The following SH2B3 variants were observed in gnomAD, a reference collection of about 807,000 sequenced individuals.
SH2B3 encodes the protein SH2B adaptor protein 3, also known as SH2B adapter protein 3.
In SH2B3, 43 loss-of-function variants were observed where a neutral mutation model predicts 51.9. That is an observed-to-expected ratio of 0.83 (90% CI 0.65 to 1.07). The LOEUF (loss-of-function observed/expected upper bound fraction) is 1.07. SH2B3 is among the 50% of genes least tolerant of loss of function. The pLI is 0.00. For missense variants in SH2B3, 952 were observed against 834.3 expected (o/e 1.14, Z -1.74); for synonymous variants, 396 against 376.0 (o/e 1.05, Z -0.62).
intron 2 of SH2B3, among the ~76,000 whole-genome samples, chr12:111,436,753 C>T (rs1465576784): frequency 1.3e-5 from 2 of 152,088 alleles, no homozygotes; most frequent in South Asian, 2.1e-4. Context: ...TGCTGTCTCT[C>T]TGAGAGGGGG....
At chr12:111,419,987 C>T (rs921052012) in intron 2 of SH2B3, among the ~76,000 whole-genome samples, 1 of 152,144 alleles carries the variant, frequency 6.6e-6, no homozygotes, top group African/African-American at 2.4e-5. Flanking sequence ...TGTACAATGT[C>T]CAGGGACACC....
At position 111,438,245 on chromosome 12, in the gene SH2B3, A is replaced by G. The variant is rs1375843675; in HGVS notation, c.733-8508A>G. ...TGCTGGGGCTGGGGGTGGGCAGATG[A>G]GGATTGGAGCCCTGGCTCAACTTCG... On this transcript the variant is annotated intron_variant, in intron 2 of 7. Coordinates refer to ENST00000341259, the MANE Select transcript of SH2B3 (RefSeq NM_005475.3). This position sits in a 1 kb window ranked among gnomAD's most constrained non-coding sequence, Gnocchi z 4.2. Among the ~76,000 whole-genome samples the G allele has an allele frequency of 6.6e-6, 1 of 151,958 alleles. No homozygotes were observed. Among genetic ancestry groups the G allele is most frequent in the Non-Finnish European group, 1.5e-5 (1 of 67,976 alleles).
chr12:111,425,256 G>GGGGTGT (rs1264372752), intron 2 of SH2B3, among the ~76,000 whole-genome samples: 1 of 152,146 alleles, frequency 6.6e-6, no homozygotes, highest in African/African-American at 2.4e-5. Flanking sequence ...GCCAGGGGTG[G>GGGGTGT]GGGTGTGGGT....
At chr12:111,437,247 G>T (rs1485247409) in intron 2 of SH2B3, among the ~76,000 whole-genome samples, 1 of 152,200 alleles carries the variant, frequency 6.6e-6, no homozygotes, top group Non-Finnish European at 1.5e-5. Flanking sequence ...GCCCTCAGAT[G>T]TCTGGGAAAT....
intron 2 of SH2B3, among the ~76,000 whole-genome samples, chr12:111,426,292 T>C (rs894354155): frequency 2.0e-5 from 3 of 152,156 alleles, no homozygotes; most frequent in Non-Finnish European, 4.4e-5. Context: ...GTTAGAGTTA[T>C]ATTTCTAGGT....
At position 111,418,927 on chromosome 12, in the gene SH2B3, T is replaced by C; in HGVS notation, c.732+50T>C. 1.5e-6 allele frequency: 2 copies of C among 1,358,810 alleles called. No individual in the cohort carries two copies. The highest frequency in any genetic ancestry group is 1.9e-6 in the Non-Finnish European group (2 of 1,062,434). 84.2% of individuals were successfully genotyped at this position (1,358,810 alleles called of 1,614,324 possible). ...TGCGCACTGCACTGCGCCCTTCGCC[T>C]TCACCCTGGGGAGAGCGCGGGCTGG... On this transcript the variant is annotated intron_variant, in intron 2 of 7. Coordinates refer to ENST00000341259, the MANE Select transcript of SH2B3 (RefSeq NM_005475.3). This position sits in a 1 kb window ranked among gnomAD's most constrained non-coding sequence, Gnocchi z 6.7.
rs1364785726 is a variant in SH2B3, at chr12:111,418,813, C to T, written c.668C>T (p.Ala223Val). ...SGARWQRGRL[A>V]LRRAPGPDGP... ...GCACGCTGGCAGCGCGGGAGGCTGG[C>T]GCTGCGCCGGGCCCCGGGCCCCGAT... The change falls in exon 2 of 8, where the codon GCG becomes GTG. Residue 223 changes from alanine to valine, a missense_variant. By Grantham distance (64) the Ala-to-Val change is moderately conservative. Coordinates refer to ENST00000341259, the MANE Select transcript of SH2B3 (RefSeq NM_005475.3). The surrounding 1 kb of genome is among the most constrained non-coding windows in gnomAD (Gnocchi z 6.7). 1.4e-6 allele frequency: 2 copies of T among 1,434,112 alleles called. No homozygotes were observed. The highest frequency in any genetic ancestry group is 2.5e-4 in the Middle Eastern group (1 of 4,012). The allele number at this position is 1,434,112 out of a possible 1,614,324, so 88.8% of individuals were successfully genotyped here.
At position 111,438,989 on chromosome 12, in the gene SH2B3, A is replaced by G. The variant is rs1427862170; in HGVS notation, c.733-7764A>G. 2.0e-5 allele frequency among the ~76,000 whole-genome samples: 3 copies of G among 152,094 alleles called. No homozygotes were observed. On this transcript the variant is annotated intron_variant, in intron 2 of 7. Transcript: ENST00000341259. This position sits in a 1 kb window ranked among gnomAD's most constrained non-coding sequence, Gnocchi z 4.2. ...TTGTTTTTGTTTGTTTGTTTGTTTG[A>G]GACAGTCTTGCTCTGTTGCCCAGGC...
Position 111,409,958 on chromosome 12 carries a change from C to T in SH2B3, c.-28+3681C>T, listed in dbSNP as rs538050683. Among the ~76,000 whole-genome samples the T allele has an allele frequency of 8.9e-4, 136 of 152,356 alleles. No homozygotes were observed. The highest frequency in any genetic ancestry group is 3.4e-3 in the Middle Eastern group (1 of 294). ...GTTAGATAGAAGATTTTTCCTCCCA[C>T]GCCACCCTGTCAGGGGTCGGCCAGC... On this transcript the variant is annotated intron_variant, in intron 1 of 7. Coordinates refer to ENST00000341259, the MANE Select transcript of SH2B3 (RefSeq NM_005475.3). This position sits in a 1 kb window ranked among gnomAD's most constrained non-coding sequence, Gnocchi z 4.0.
chr12:111,446,762 C>A lies in SH2B3; in HGVS notation c.742C>A (p.Pro248Thr). 2 of 1,544,332 alleles carry A rather than the reference C, an allele frequency of 1.3e-6. No individual in the cohort carries two copies. Among genetic ancestry groups the A allele is most frequent in the Admixed American group, 1.9e-5 (1 of 52,008 alleles). ...CAACTTGGTCTCGTAGAGTTCAAGG[C>A]CCAAGCTACAAGCAGCTTGCTCCAG... ...ELFDPPKSSR[P>T]KLQAACSSIQ... The change falls in exon 3 of 8, where the codon CCC (proline) becomes ACC (threonine). Residue 248 changes from proline to threonine, a missense_variant. Physicochemically the swap from Pro to Thr is conservative, Grantham distance 38. Transcript: ENST00000341259.
chr12:111,422,175 G>A (rs556468612), intron 2 of SH2B3, among the ~76,000 whole-genome samples: 8 of 152,266 alleles, frequency 5.3e-5, no homozygotes, highest in African/African-American at 1.9e-4. Context: ...CGTCTCCTGG[G>A]TTCAAGCTGA....
intron 2 of SH2B3, among the ~76,000 whole-genome samples, chr12:111,436,509 C>A (rs1417012488): frequency 6.6e-6 from 1 of 152,120 alleles, no homozygotes; most frequent in African/African-American, 2.4e-5. Context: ...GCTGCAGGGG[C>A]CATGTGTAAC....
intron 2 of SH2B3, among the ~76,000 whole-genome samples, chr12:111,436,880 T>A (rs1820556242): frequency 1.3e-5 from 2 of 151,946 alleles, no homozygotes; most frequent in African/African-American, 4.8e-5. Flanking sequence ...TGTCCCAGCA[T>A]CTCTGGCTAA....
chr12:111,418,491 C>T lies in SH2B3; in HGVS notation c.346C>T (p.Pro116Ser). ...CCCCGGCCCCGCCGCCCCTGGCCTG[C>T]CCAAGGCCCGCAGCTCTGAGGAGCT... The part of the protein sequence containing the change: ...PGPGPAAPGL[P>S]KARSSEELAP... Residue 116 changes from proline to serine, a missense_variant, in exon 2 of 8, where the codon CCC becomes TCC. Transcript: ENST00000341259. This position sits in a 1 kb window ranked among gnomAD's most constrained non-coding sequence, Gnocchi z 6.7. The T allele has an allele frequency of 7.3e-7, 1 of 1,372,986 alleles. No individual in the cohort carries two copies. The allele number at this position is 1,372,986 out of a possible 1,614,324, so 85.1% of individuals were successfully genotyped here.
At chr12:111,419,147 T>TA (rs1233812469) in intron 2 of SH2B3, among the ~76,000 whole-genome samples, 2 of 149,764 alleles carry the variant, frequency 1.3e-5, no homozygotes, top group East Asian at 4.0e-4. Context: ...CCTATCTCTA[T>TA]AAAAAATTAG....
At chr12:111,433,130 T>A (rs752593877) in intron 2 of SH2B3, among the ~76,000 whole-genome samples, 1 of 152,178 alleles carries the variant, frequency 6.6e-6, no homozygotes, top group Non-Finnish European at 1.5e-5. Context: ...GGCAGGTGGA[T>A]CACTTGATGT....
intron 2 of SH2B3, among the ~76,000 whole-genome samples, chr12:111,426,904 C>T (rs11065899): frequency 1.3e-5 from 2 of 152,016 alleles, no homozygotes; most frequent in Non-Finnish European, 1.5e-5. Context: ...GGCCCCTAAC[C>T]CCAAGCCCTT....
At chr12:111,426,307 T>C (rs1947379034) in intron 2 of SH2B3, among the ~76,000 whole-genome samples, 1 of 152,076 alleles carries the variant, frequency 6.6e-6, no homozygotes, top group Non-Finnish European at 1.5e-5. Flanking sequence ...CTAGGTTTTA[T>C]GGCTGGCTTT....
rs375598594 is a variant in SH2B3 at position 111,433,062 on chromosome 12, T to C, written c.733-13691T>C. On this transcript the variant is annotated intron_variant, in intron 2 of 7. Transcript: ENST00000341259. ...GGGCATACAGTAATTCTATGTTTAATTACATTGGGCTGGGCACGGTGGCTA... is the reference window on the plus strand; with the variant it reads ...GGGCATACAGTAATTCTATGTTTAACTACATTGGGCTGGGCACGGTGGCTA... Among the ~76,000 whole-genome samples, 9 of 152,300 alleles carry C rather than the reference T, an allele frequency of 5.9e-5. No individual in the cohort carries two copies. The East Asian group carries it at 9.6e-4, about 16-fold the overall frequency.
Sources: allele counts gnomAD v4.1 joint callset (sites outside exome capture counted in the v4.1 genomes callset), GRCh38; gene constraint gnomAD v4.1.1; non-coding constraint Gnocchi (gnomAD v3.1); transcripts MANE v1.5; gene names NCBI Gene and HGNC (gene_info 2026-07-23, HGNC 2026-07-21).